MED17: variants seen among roughly 807,000 people sequenced by gnomAD.
The protein encoded by MED17 is mediator of RNA polymerase II transcription subunit 17.
A neutral mutation model predicts 80.8 loss-of-function variants in MED17; 49 were observed. The observed-to-expected ratio is 0.61, with a 90% CI of 0.48 to 0.77. The LOEUF (loss-of-function observed/expected upper bound fraction) is 0.77, where lower values mean the gene tolerates loss of function less well. Among genes scored for constraint, MED17 ranks in the 30% least tolerant of loss-of-function variants. MED17 has a pLI of 0.00. For missense variants in MED17, 718 were observed against 787.0 expected (o/e 0.91, Z 1.05); for synonymous variants, 281 against 280.4 (o/e 1.00, Z -0.02).
chr11:93,811,179 C>T (rs1425997689), intron 11 of MED17: 1 of 152,180 alleles, frequency 6.6e-6, no homozygotes, highest in Non-Finnish European at 1.5e-5. Flanking sequence ...ATCTTGATTG[C>T]TAGGAATTTC....
At chr11:93,795,665 T>C (rs951633869) in intron 6 of MED17, 1 of 153,956 alleles carries the variant, frequency 6.5e-6, no homozygotes, top group Non-Finnish European at 1.4e-5. Flanking sequence ...GATCAGTTTG[T>C]ATTTAGCTTT....
chr11:93,802,278 A>T (rs1047286140), intron 9 of MED17, among the ~76,000 whole-genome samples: 6 of 151,832 alleles, frequency 4.0e-5, no homozygotes, highest in Admixed American at 1.3e-4. Flanking sequence ...AATTAAAAAA[A>T]TTTTTTTTAA....
chr11:93,794,267 C>T (rs685865), intron 5 of MED17: 2 of 391,164 alleles, frequency 5.1e-6, no homozygotes, highest in Non-Finnish European at 9.4e-6. Context: ...TGCAATGGCG[C>T]AGTCTCGGCT....
chr11:93,785,485 C>T (rs1943760067), intron 1 of MED17, among the ~76,000 whole-genome samples: 1 of 151,702 alleles, frequency 6.6e-6, no homozygotes, highest in Non-Finnish European at 1.5e-5. Context: ...TGCAGCACAC[C>T]CAGTGTAAAT....
chr11:93,798,250 G>GT (rs909435402), intron 8 of MED17, among the ~76,000 whole-genome samples: 1 of 152,182 alleles, frequency 6.6e-6, no homozygotes, highest in Non-Finnish European at 1.5e-5. Flanking sequence ...CCAGGTCTAT[G>GT]TAACGCCAAA....
At chr11:93,805,689 TC>T (rs1944016160) in intron 9 of MED17, among the ~76,000 whole-genome samples, 1 of 152,248 alleles carries the variant, frequency 6.6e-6, no homozygotes, top group Admixed American at 6.5e-5. Context: ...GAAACCCTGT[TC>T]CTTCACACCT....
rs2135723004 is a variant in MED17, at chr11:93,809,721, C to T, written c.1589C>T (p.Ser530Leu). Residue 530 changes from serine to leucine, a missense_variant, in exon 11 of 12, where the codon TCA becomes TTA. Coordinates refer to ENST00000251871, the MANE Select transcript of MED17 (RefSeq NM_004268.5). ...ELQDFLLSQM[S>L]QHQVHAVQQL... ...AGTGTCCTTTTTCATTCACAGATGT[C>T]ACAGCACCAGGTACATGCAGTTCAG... The T allele has an allele frequency of 6.2e-7, 1 of 1,614,166 alleles. No homozygotes were observed. The highest frequency in any genetic ancestry group is 8.5e-7 in the Non-Finnish European group (1 of 1,180,020).
rs754941546 is a variant in MED17, at chr11:93,797,554, G to A, written c.1163G>A (p.Ser388Asn). The change falls in exon 8 of 12, where the codon AGT becomes AAT. Residue 388 changes from serine to asparagine, a missense_variant. Coordinates refer to ENST00000251871, the MANE Select transcript of MED17 (RefSeq NM_004268.5). ...TGTTAGTTTCATAAACAGACCTTGA[G>A]TTCCATCATGATGCCTCATCCAGCA... ...LIREFHKQTL[S>N]SIMMPHPASA... is the part of the protein sequence containing the mutation. 11 of 1,614,084 alleles carry A rather than the reference G, an allele frequency of 6.8e-6. No individual in the cohort carries two copies. Among genetic ancestry groups the A allele is most frequent in the Non-Finnish European group, 9.3e-6 (11 of 1,179,966 alleles).
rs971985208 is a variant in MED17, at chr11:93,784,388, G to A, written c.-126G>A. ...GTCTGAGCGTTGCGTTCGGTTTCCC[G>A]AGGGTCTTCTGAGGCACCGCGGCTG... On this transcript the variant is annotated 5_prime_UTR_variant, in exon 1 of 12. Transcript: ENST00000251871. 5.0e-5 allele frequency: 64 copies of A among 1,271,860 alleles called. No homozygotes were observed. Among genetic ancestry groups the A allele is most frequent in the Non-Finnish European group, 6.5e-5 (61 of 945,052 alleles). 78.8% of individuals were successfully genotyped at this position (1,271,860 alleles called of 1,614,324 possible). A position where few individuals can be genotyped will look rare whatever the true frequency, so the allele number is the denominator to read the frequency against.
chr11:93,794,723 T>C, intron 5 of MED17, 185 bp from the exon 6 acceptor site: 1 of 624,108 alleles, frequency 1.6e-6, no homozygotes, highest in Non-Finnish European at 2.8e-6. Flanking sequence ...CCTGCCGGGA[T>C]GATTTGTAAC....
intron 3 of MED17, among the ~76,000 whole-genome samples, chr11:93,791,459 CTTTGGG>C (rs1943835698): frequency 6.6e-6 from 1 of 152,008 alleles, no homozygotes; most frequent in Non-Finnish European, 1.5e-5. Flanking sequence ...AATCCTAGCA[CTTTGGG>C]AGGCTGAGGT....
At chr11:93,800,942 C>G (rs1336918168) in intron 8 of MED17, 1 of 152,094 alleles carries the variant, frequency 6.6e-6, no homozygotes, top group Non-Finnish European at 1.5e-5. Context: ...GCCTTTCTTT[C>G]TCTTTCCAGT....
chr11:93,798,381 G>C (rs1419676376), intron 8 of MED17, among the ~76,000 whole-genome samples: 3 of 152,106 alleles, frequency 2.0e-5, no homozygotes, highest in African/African-American at 7.2e-5. Context: ...TAGTGAAAAG[G>C]CCTGTTTTTT....
intron 3 of MED17, among the ~76,000 whole-genome samples, chr11:93,792,214 G>A (rs541055770): frequency 7.2e-4 from 110 of 152,238 alleles, no homozygotes; most frequent in South Asian, 8.3e-4. Context: ...ATTTGCCAGA[G>A]TAAGCTATCA....
Position 93,812,463 on chromosome 11 carries a change from G to T in MED17, c.*399G>T, listed in dbSNP as rs1944093972. The T allele has an allele frequency of 1.1e-5, 4 of 361,898 alleles. No homozygotes were observed. The highest frequency in any genetic ancestry group is 7.4e-5 in the African/African-American group (3 of 40,714). The allele number at this position is 361,898 out of a possible 1,614,324, so 22.4% of individuals were successfully genotyped here. A position where few individuals can be genotyped will look rare whatever the true frequency, so the allele number is the denominator to read the frequency against. ...TTCTAAACTTTTTTTTTTTGAGATG[G>T]TATCTCACTCTGTAGCCCAGTCTGG... is the stretch of plus-strand genomic sequence containing the variant. On this transcript the variant is annotated 3_prime_UTR_variant, in exon 12 of 12. Coordinates refer to ENST00000251871, the MANE Select transcript of MED17 (RefSeq NM_004268.5).
rs143091114 is a variant in MED17, at chr11:93,799,279, G to A, written c.1328+1560G>A. ...CAAGCTCTGCCTCTCGGGTTCAAGC[G>A]ATCATCCCGCCTCAGCCTCCCAAGT... On this transcript the variant is annotated intron_variant, in intron 8 of 11. Coordinates refer to ENST00000251871, the MANE Select transcript of MED17 (RefSeq NM_004268.5). Among the ~76,000 whole-genome samples, 578 of 151,244 alleles carry A rather than the reference G, an allele frequency of 3.8e-3. 11 individuals carry two copies. The highest frequency in any genetic ancestry group is 0.013 in the African/African-American group (549 of 41,184).
chr11:93,801,515 TC>T, intron 8 of MED17: 2 of 333,544 alleles, frequency 6.0e-6, no homozygotes, highest in Non-Finnish European at 1.1e-5. Context: ...ATATCGAATA[TC>T]CTTCTCACTC....
chr11:93,801,113 G>A (rs1223775915), intron 8 of MED17: 1 of 152,122 alleles, frequency 6.6e-6, no homozygotes, highest in African/African-American at 2.4e-5. Context: ...CCCAGGTTTT[G>A]TATCCCAGTT....
At chr11:93,788,564 C>G (rs972494199) in intron 2 of MED17, 1 of 176,830 alleles carries the variant, frequency 5.7e-6, no homozygotes, top group Non-Finnish European at 1.2e-5. Flanking sequence ...ACCTGTAGTC[C>G]CAGCTACTCA....
Sources: allele counts gnomAD v4.1 joint callset (sites outside exome capture counted in the v4.1 genomes callset), GRCh38; gene constraint gnomAD v4.1.1; transcripts MANE v1.5; gene names NCBI Gene and HGNC (gene_info 2026-07-23, HGNC 2026-07-21).